Variants in POLN observed in about 807,000 individuals in gnomAD.
The protein encoded by POLN is DNA polymerase N.
POLN carries 108 observed loss-of-function variants against 113.5 expected under a neutral mutation model. That is an observed-to-expected ratio of 0.95 (90% CI 0.81 to 1.12). POLN has a LOEUF of 1.12. Among genes scored for constraint, POLN ranks in the 50% most tolerant of loss-of-function variants. The probability of loss-of-function intolerance (pLI) is 0.00; values close to 1 mark genes in which losing one functional copy is unlikely to be tolerated. For synonymous variants in POLN, 386 were observed against 391.5 expected (o/e 0.99, Z 0.17); for missense variants, 1,097 against 1,077.1 (o/e 1.02, Z -0.26).
In POLN at chr4:2,101,029, C is replaced by T. The variant is rs1730909612; in HGVS notation, c.1983-5096G>A. Among the ~76,000 whole-genome samples, 6 of 152,144 alleles carry T rather than the reference C, an allele frequency of 3.9e-5. 1 individual carries two copies. In the Middle Eastern group the frequency reaches 0.017, roughly 431 times the overall value. On this transcript the variant is annotated intron_variant, in intron 19 of 25. Transcript: ENST00000511885. ...TGTGTTGCAGAGGTGAAACACTGGA[C>T]GTGGCCCCATGCATTGACCTGGGAC...
chr4:2,223,623 C>T (rs545710903), intron 3 of POLN, among the ~76,000 whole-genome samples: 1 of 152,322 alleles, frequency 6.6e-6, no homozygotes, highest in South Asian at 2.1e-4. Context: ...TAGCTTACTA[C>T]ACTCCTAAGC....
At position 2,115,228 on chromosome 4, in the gene POLN, A is replaced by ATTTT. The variant is rs55938347; in HGVS notation, c.1982+12881_1982+12884dup. On this transcript the variant is annotated intron_variant, in intron 19 of 25. Coordinates refer to ENST00000511885, the MANE Select transcript of POLN (RefSeq NM_181808.4). ...CACAGCTATATATATATATATATAT[A>ATTTT]TTTTTTTTTTTGTAGTTTTAGTAGA... 5.3e-3 allele frequency among the ~76,000 whole-genome samples: 690 copies of ATTTT among 129,956 alleles called. 4 individuals are homozygous for ATTTT. Among genetic ancestry groups the ATTTT allele is most frequent in the African/African-American group, 0.016 (551 of 34,108 alleles). The allele number at this position is 129,956 out of a possible 152,430, so 85.3% of individuals were successfully genotyped here.
In POLN at chr4:2,159,215, A is replaced by G; in HGVS notation, c.1555-4T>C. On this transcript the variant is annotated splice_polypyrimidine_tract_variant and splice_region_variant and intron_variant, in intron 13 of 25. Coordinates refer to ENST00000511885, the MANE Select transcript of POLN (RefSeq NM_181808.4). ...GAAGGTCTCGCAGAGCATTTAACTA[A>G]ACATGAAAATAGATACTACCAATGT... 1 of 1,599,564 alleles carries G rather than the reference A, an allele frequency of 6.3e-7. No homozygotes were observed. The highest frequency in any genetic ancestry group is 8.6e-7 in the Non-Finnish European group (1 of 1,168,866).
At position 2,072,070 on chromosome 4, in the gene POLN, T is replaced by C. The variant is rs1366172214; in HGVS notation, c.*44A>G. 10 of 1,603,012 alleles carry C rather than the reference T, an allele frequency of 6.2e-6. No homozygotes were observed. In the East Asian group the frequency reaches 2.0e-4, roughly 32 times the overall value. ...GGTGACCTTGGGGAAGGCCACACAA[T>C]GGACTGCTGGAAACCAGTTCTCTCC... On this transcript the variant is annotated 3_prime_UTR_variant, in exon 26 of 26. Coordinates refer to ENST00000511885, the MANE Select transcript of POLN (RefSeq NM_181808.4).
At chr4:2,110,514 G>T (rs1015735395) in intron 19 of POLN, among the ~76,000 whole-genome samples, 4 of 152,178 alleles carry the variant, frequency 2.6e-5, no homozygotes, top group African/African-American at 9.7e-5. Context: ...AAGAAGAAAA[G>T]AGAGAAGAAT....
chr4:2,141,419 C>A (rs1731997687), intron 16 of POLN, among the ~76,000 whole-genome samples: 1 of 152,158 alleles, frequency 6.6e-6, no homozygotes. Flanking sequence ...ATGCTGGGAG[C>A]CTACATACCC....
chr4:2,106,168 A>C (rs1441649769), intron 19 of POLN, among the ~76,000 whole-genome samples: 2 of 152,168 alleles, frequency 1.3e-5, no homozygotes, highest in African/African-American at 2.4e-5. Context: ...AAATGAATCT[A>C]AGAAAGAAAT....
At chr4:2,079,303 C>T (rs1213979640) in intron 23 of POLN, 15 of 614,548 alleles carry the variant, frequency 2.4e-5, no homozygotes, top group East Asian at 1.4e-4. Flanking sequence ...CCTGCCAAGA[C>T]GGAAACTAGC....
chr4:2,240,267 T>G, intron 2 of POLN: 1 of 1,613,840 alleles, frequency 6.2e-7, no homozygotes. Flanking sequence ...AACTACTTCA[T>G]GTATACCCTG....
At chr4:2,223,470 G>A (rs200925395) in intron 3 of POLN, among the ~76,000 whole-genome samples, 1 of 152,166 alleles carries the variant, frequency 6.6e-6, no homozygotes, top group Non-Finnish European at 1.5e-5. Context: ...ACCGCCTGAC[G>A]ATCTTAGGTG....
rs1733075351 is a variant in POLN at position 2,179,310 on chromosome 4, C to T, written c.1177G>A (p.Val393Met). 9 of 1,611,008 alleles carry T rather than the reference C, an allele frequency of 5.6e-6. No homozygotes were observed. The East Asian group carries it at 8.9e-5, about 16-fold the overall frequency. ...STYGNSSRNI[V>M]NQNVRENLKT... ...AAACTTTATCTTAAACAACTCACCA[C>T]AATATTTCTTGAGGAATTTCCATAT... is the stretch of plus-strand genomic sequence containing the variant. Residue 393 changes from valine (V) to methionine (M), a missense_variant and splice_region_variant, in exon 8 of 26, where the codon GTG becomes ATG. Val to Met is a conservative substitution (Grantham distance 21). Transcript: ENST00000511885.
chr4:2,088,464 TC>T (rs1248987458), intron 20 of POLN, among the ~76,000 whole-genome samples: 1 of 152,176 alleles, frequency 6.6e-6, no homozygotes, highest in Non-Finnish European at 1.5e-5. Context: ...TTTCACAACA[TC>T]CAGTTTCCAT....
At chr4:2,078,184 G>A (rs1333565771) in intron 23 of POLN, among the ~76,000 whole-genome samples, 1 of 152,234 alleles carries the variant, frequency 6.6e-6, no homozygotes, top group Non-Finnish European at 1.5e-5. Flanking sequence ...CCAGGGGAGG[G>A]ACCGTCACAG....
At chr4:2,172,823 AAACCTGTGCCCACAGGCACAGGG>A in intron 11 of POLN, among the ~76,000 whole-genome samples, 1 of 152,308 alleles carries the variant, frequency 6.6e-6, no homozygotes, top group Non-Finnish European at 1.5e-5. Flanking sequence ...CAGCCCACAG[AAACCTGTGCCCACAGGCACAGGG>A]AATGCACTCA....
intron 11 of POLN, among the ~76,000 whole-genome samples, chr4:2,171,874 G>A (rs1381279671): frequency 1.3e-5 from 2 of 152,054 alleles, no homozygotes; most frequent in Non-Finnish European, 2.9e-5. Context: ...CAAACTTAAA[G>A]TAGTAAAAAT....
intron 18 of POLN, among the ~76,000 whole-genome samples, chr4:2,128,822 A>C (rs1345479495): frequency 6.6e-6 from 1 of 152,214 alleles, no homozygotes; most frequent in Admixed American, 6.5e-5. Flanking sequence ...TGGGAGGCCA[A>C]GGCAGGTGGA....
chr4:2,172,388 G>A (rs1267979219), intron 11 of POLN, among the ~76,000 whole-genome samples: 1 of 63,206 alleles, frequency 1.6e-5, no homozygotes, highest in African/African-American at 3.2e-5. Context: ...TAAGCCAACC[G>A]CCTCCAACAA....
chr4:2,174,047 T>C (rs749526915), intron 10 of POLN, 28 bp from the exon 11 acceptor site: 3 of 1,608,734 alleles, frequency 1.9e-6, no homozygotes, highest in East Asian at 2.2e-5. Flanking sequence ...AACCAGATCA[T>C]ATTTGCATTA....
At chr4:2,098,667 A>C (rs1730853271) in intron 19 of POLN, among the ~76,000 whole-genome samples, 1 of 152,224 alleles carries the variant, frequency 6.6e-6, no homozygotes, top group Non-Finnish European at 1.5e-5. Context: ...GTGTATACAC[A>C]CAGGTTGGCA....
Sources: gnomAD v4.1 joint callset for allele counts (sites outside exome capture counted in the v4.1 genomes callset) on GRCh38, gnomAD v4.1.1 for gene constraint, MANE v1.5 for transcripts, NCBI Gene and HGNC (gene_info 2026-07-23, HGNC 2026-07-21) for gene names.